The following LRFN2 variants were observed in gnomAD, a reference collection of about 807,000 sequenced individuals.
LRFN2 encodes leucine-rich repeat and fibronectin type-III domain-containing protein 2.
In LRFN2, 18 loss-of-function variants were observed where a neutral mutation model predicts 37.3. The ratio of observed to expected loss-of-function variants is 0.48; its 90% CI spans 0.33 to 0.72. The LOEUF (loss-of-function observed/expected upper bound fraction) is 0.72. Ranked by LOEUF, LRFN2 falls within the 30% of genes least tolerant of loss-of-function variation. The pLI, the probability that LRFN2 is intolerant of heterozygous loss-of-function variation, is 0.02. For missense variants in LRFN2, 1,006 were observed against 1,060.7 expected, an observed-to-expected ratio of 0.95 and a Z score of 0.72; for synonymous variants, 556 against 466.6, an observed-to-expected ratio of 1.19 and a Z score of -2.47.
chr6:40,392,338 C>A lies in LRFN2; in HGVS notation c.1975G>T (p.Ala659Ser). ...CTCTTGAGGTCCAGGGAGGCGAAGGCCCCCATCAGGCGGTCAAGGCTGGGC... is the reference window on the plus strand; with the variant it reads ...CTCTTGAGGTCCAGGGAGGCGAAGGACCCCATCAGGCGGTCAAGGCTGGGC... The part of the protein sequence containing the change: ...PKPSLDRLMG[A>S]FASLDLKSQR... The change falls in exon 3 of 3, where the codon GCC (alanine) becomes TCC (serine). Residue 659 changes from alanine to serine, a missense_variant. Physicochemically the swap from Ala to Ser is moderately conservative, Grantham distance 99. Around this residue, in one of 4 missense-constraint regions of LRFN2, gnomAD observed 398 missense variants for 327.6 expected, o/e 1.21. Transcript: ENST00000338305. This position sits in a 1 kb window ranked among gnomAD's most constrained non-coding sequence, Gnocchi z 4.7. 1 of 1,610,050 alleles carries A rather than the reference C, an allele frequency of 6.2e-7. No homozygotes were observed. The highest frequency in any genetic ancestry group is 8.5e-7 in the Non-Finnish European group (1 of 1,178,536).
At chr6:40,393,891 T>C (rs1446497461) in intron 2 of LRFN2, among the ~76,000 whole-genome samples, 2 of 152,068 alleles carry the variant, frequency 1.3e-5, no homozygotes, top group Non-Finnish European at 2.9e-5. Flanking sequence ...TGCTGCAGAC[T>C]GAGGGAGAGG....
At chr6:40,520,731 G>A (rs562276862) in intron 1 of LRFN2, among the ~76,000 whole-genome samples, 5 of 152,222 alleles carry the variant, frequency 3.3e-5, no homozygotes, top group African/African-American at 1.2e-4. Flanking sequence ...AGGGAGGGGT[G>A]GAGAGTTGCC....
In LRFN2 at chr6:40,403,647, C is replaced by A. The variant is rs547963599; in HGVS notation, c.1401-10735G>T. 9.6e-4 allele frequency among the ~76,000 whole-genome samples: 146 copies of A among 152,300 alleles called. 2 individuals are homozygous for A. Among genetic ancestry groups the A allele is most frequent in the Non-Finnish European group, 1.3e-4 (9 of 68,014 alleles). The stretch of plus-strand genomic sequence containing the variant: ...TCAGGTGTACCCGGACATCCACTTC[C>A]ACAGCCCGCAAGACAGCAGGCAGGG... On this transcript the variant is annotated intron_variant, in intron 2 of 2. Transcript: ENST00000338305.
At chr6:40,514,704 T>C (rs1765810453) in intron 1 of LRFN2, among the ~76,000 whole-genome samples, 1 of 152,232 alleles carries the variant, frequency 6.6e-6, no homozygotes, top group Non-Finnish European at 1.5e-5. Context: ...AATAAACTTT[T>C]GGCTTTTGAC....
chr6:40,431,864 G>A lies in LRFN2; in HGVS notation c.1250C>T (p.Pro417Leu). 2 of 1,594,318 alleles carry A rather than the reference G, an allele frequency of 1.3e-6. No homozygotes were observed. The highest frequency in any genetic ancestry group is 1.1e-5 in the South Asian group (1 of 87,748). Residue 417 changes from proline to leucine, a missense_variant, in exon 2 of 3, where the codon CCT becomes CTT. Pro to Leu is a moderately conservative substitution (Grantham distance 98). Coordinates refer to ENST00000338305, the MANE Select transcript of LRFN2 (RefSeq NM_020737.3). The part of the protein sequence containing the change: ...RGGGGSGGGE[P>L]PKSPPERAVL... ...AGCCCGTTCCGGGGGGCTTTTGGGA[G>A]GCTCTCCGCCCCCACTGCCTCCACC...
intron 1 of LRFN2, among the ~76,000 whole-genome samples, chr6:40,527,655 A>C (rs1340797646): frequency 6.6e-6 from 1 of 152,242 alleles, no homozygotes; most frequent in Admixed American, 6.5e-5. Flanking sequence ...TAGAGTGATT[A>C]TGTGAGTGAT....
At chr6:40,545,856 G>A (rs1338243119) in intron 1 of LRFN2, among the ~76,000 whole-genome samples, 1 of 152,054 alleles carries the variant, frequency 6.6e-6, no homozygotes, top group Non-Finnish European at 1.5e-5. Flanking sequence ...GAGTAGAGAA[G>A]TATTTTAAAA....
At chr6:40,583,201 CA>C (rs573653863) in intron 1 of LRFN2, among the ~76,000 whole-genome samples, 3 of 141,264 alleles carry the variant, frequency 2.1e-5, no homozygotes, top group African/African-American at 5.3e-5. Context: ...TATATATAGA[CA>C]TATATATACA....
At chr6:40,543,817 A>T (rs1766600841) in intron 1 of LRFN2, among the ~76,000 whole-genome samples, 1 of 152,162 alleles carries the variant, frequency 6.6e-6, no homozygotes, top group Non-Finnish European at 1.5e-5. Flanking sequence ...CAATCTTCCC[A>T]TTTCCTGTCC....
intron 1 of LRFN2, among the ~76,000 whole-genome samples, chr6:40,458,775 G>C (rs528965303): frequency 1.4e-3 from 206 of 152,180 alleles, no homozygotes; most frequent in African/African-American, 4.8e-3. Flanking sequence ...CAATTCCCAG[G>C]AGCTGGGTAG....
Position 40,508,643 on chromosome 6 carries a change from A to G in LRFN2, c.-18-75512T>C, listed in dbSNP as rs1472736599. On this transcript the variant is annotated intron_variant, in intron 1 of 2. Transcript: ENST00000338305. ...CTCCATTTCCTTTCCGGAAAATGCA[A>G]TTGACAAAAGTACCTATTTTTAAGG... Among the ~76,000 whole-genome samples the G allele has an allele frequency of 2.6e-5, 4 of 152,212 alleles. 1 individual carries two copies. Among genetic ancestry groups the G allele is most frequent in the Admixed American group, 6.5e-5 (1 of 15,288 alleles).
At chr6:40,493,523 G>T (rs973813769) in intron 1 of LRFN2, among the ~76,000 whole-genome samples, 2 of 152,080 alleles carry the variant, frequency 1.3e-5, no homozygotes, top group East Asian at 1.9e-4. Context: ...GGACATGCTC[G>T]CCCATACAGA....
In LRFN2 at chr6:40,391,635, A is replaced by G. The variant is rs1762501917; in HGVS notation, c.*308T>C. 6.7e-6 allele frequency: 2 copies of G among 298,858 alleles called. No homozygotes were observed. Among genetic ancestry groups the G allele is most frequent in the Non-Finnish European group, 1.2e-5 (2 of 162,810 alleles). The allele number at this position is 298,858 out of a possible 1,614,324, so 18.5% of individuals were successfully genotyped here. A position where few individuals can be genotyped will look rare whatever the true frequency, so the allele number is the denominator to read the frequency against. On this transcript the variant is annotated 3_prime_UTR_variant, in exon 3 of 3. Transcript: ENST00000338305. ...AAGAAATAAAAACAACACTAGACCC[A>G]TAAGCAATCCAAAGCCGCTTGCTTG... is the stretch of plus-strand genomic sequence containing the variant.
In LRFN2 at chr6:40,431,734, G is replaced by A. The variant is rs202226025; in HGVS notation, c.1380C>T (p.Asp460=). ...KMYQLQYNCS[D]DEVLIYRMIP... ...CTCACCTGTAAATCAGTACCTCATCGTCAGAGCAGTTGTACTGCAGCTGGT... is the reference window on the plus strand; with the variant it reads ...CTCACCTGTAAATCAGTACCTCATCATCAGAGCAGTTGTACTGCAGCTGGT... The change falls in exon 2 of 3, where the codon GAC becomes GAT. Residue 460 remains aspartate (D), a synonymous_variant. Transcript: ENST00000338305. 28 of 1,515,578 alleles carry A rather than the reference G, an allele frequency of 1.8e-5. No individual in the cohort carries two copies. Among genetic ancestry groups the A allele is most frequent in the Admixed American group, 4.5e-5 (2 of 44,596 alleles). 93.9% of individuals were successfully genotyped at this position (1,515,578 alleles called of 1,614,324 possible).
intron 1 of LRFN2, among the ~76,000 whole-genome samples, chr6:40,577,222 C>T (rs1003400742): frequency 1.3e-5 from 2 of 152,056 alleles, no homozygotes; most frequent in East Asian, 1.9e-4. Context: ...CTGCCTCAGC[C>T]TCCCAAGTAG....
intron 1 of LRFN2, among the ~76,000 whole-genome samples, chr6:40,445,711 G>A (rs1763953139): frequency 1.3e-5 from 2 of 152,348 alleles, no homozygotes; most frequent in Admixed American, 6.5e-5. Flanking sequence ...TACTGGCAAG[G>A]TGGCTAGTGG....
intron 1 of LRFN2, among the ~76,000 whole-genome samples, chr6:40,466,455 A>C (rs1460747262): frequency 1.3e-5 from 2 of 151,630 alleles, no homozygotes; most frequent in Non-Finnish European, 2.9e-5. Context: ...TAGGTAGAGC[A>C]AGGACACCCA....
intron 1 of LRFN2, among the ~76,000 whole-genome samples, chr6:40,563,978 G>C (rs567313595): frequency 6.6e-6 from 1 of 152,288 alleles, no homozygotes; most frequent in Non-Finnish European, 1.5e-5. Flanking sequence ...CCGTGGTCCA[G>C]GCACTGGGCT....
At chr6:40,443,110 T>C (rs2113835673) in intron 1 of LRFN2, among the ~76,000 whole-genome samples, 1 of 152,326 alleles carries the variant, frequency 6.6e-6, no homozygotes, top group East Asian at 1.9e-4. Context: ...CAGGCTGGGC[T>C]GCTGCAGTGG....
Sources: allele counts gnomAD v4.1 joint callset (sites outside exome capture counted in the v4.1 genomes callset), GRCh38; gene constraint gnomAD v4.1.1; regional missense constraint gnomAD v4.1.1; non-coding constraint Gnocchi (gnomAD v3.1); transcripts MANE v1.5; gene names NCBI Gene and HGNC (gene_info 2026-07-23, HGNC 2026-07-21).